ARF4: variants seen among roughly 807,000 people sequenced by gnomAD.
The protein encoded by ARF4 is ARF GTPase 4.
A neutral mutation model predicts 24.3 loss-of-function variants in ARF4; 5 were observed. The ratio of observed to expected loss-of-function variants is 0.21; its 90% CI spans 0.11 to 0.43. The LOEUF is 0.43. ARF4 is among the 20% of genes least tolerant of loss of function. ARF4 has a pLI of 1.00. For synonymous variants in ARF4, 62 were observed against 73.5 expected, an observed-to-expected ratio of 0.84 and a Z score of 0.80; for missense variants, 107 against 213.0, an observed-to-expected ratio of 0.50 and a Z score of 3.10.
chr3:57,577,679 T>G (rs1328305859), intron 3 of ARF4, among the ~76,000 whole-genome samples: 1 of 152,170 alleles, frequency 6.6e-6, no homozygotes, highest in Non-Finnish European at 1.5e-5. Context: ...CACTCTCACA[T>G]TTAAGTGCAG....
intron 3 of ARF4, among the ~76,000 whole-genome samples, chr3:57,578,847 T>C (rs1217148742): frequency 6.7e-6 from 1 of 149,846 alleles, no homozygotes; most frequent in African/African-American, 2.5e-5. Flanking sequence ...ACTGTTTTTC[T>C]AAGAACTTTC....
intron 5 of ARF4, among the ~76,000 whole-genome samples, chr3:57,574,980 G>A (rs1266144452): frequency 6.6e-6 from 1 of 152,038 alleles, no homozygotes; most frequent in African/African-American, 2.4e-5. Context: ...TTCCTGAGTA[G>A]CTGGGATTAC....
rs545047334 is a variant in ARF4 at position 57,571,955 on chromosome 3, T to C, written c.*257A>G. Reference sequence around the variant, plus strand: ...TTATTTAAAGGTTGCACAAGAGCTATGTCCAGGCATTTACGCTTATGGGAA... The same window carrying C: ...TTATTTAAAGGTTGCACAAGAGCTACGTCCAGGCATTTACGCTTATGGGAA... On this transcript the variant is annotated 3_prime_UTR_variant, in exon 6 of 6. Coordinates refer to ENST00000303436, the MANE Select transcript of ARF4 (RefSeq NM_001660.4). 5.7e-5 allele frequency: 21 copies of C among 370,086 alleles called. No individual in the cohort carries two copies. Among genetic ancestry groups the C allele is most frequent in the Non-Finnish European group, 1.0e-4 (21 of 203,862 alleles). The allele number at this position is 370,086 out of a possible 1,614,324, so 22.9% of individuals were successfully genotyped here.
intron 2 of ARF4, 44 bp downstream of exon 2, chr3:57,584,340 T>A (rs2070011936): frequency 6.9e-7 from 1 of 1,450,596 alleles, no homozygotes; most frequent in African/African-American, 1.4e-5. Context: ...TATATTTCAC[T>A]TTACAACATA....
chr3:57,590,089 C>CAATGAATAAATA (rs369725657), intron 1 of ARF4, among the ~76,000 whole-genome samples: 4 of 135,164 alleles, frequency 3.0e-5, no homozygotes, highest in Non-Finnish European at 1.6e-5. Flanking sequence ...GACTCTGTCT[C>CAATGAATAAATA]AATAAATAAA....
At chr3:57,593,965 A>C (rs1384032469) in intron 1 of ARF4, among the ~76,000 whole-genome samples, 1 of 152,192 alleles carries the variant, frequency 6.6e-6, no homozygotes, top group Non-Finnish European at 1.5e-5. Flanking sequence ...TATACAAAAT[A>C]CAGAAGCTGG....
At chr3:57,578,430 G>A (rs977285887) in intron 3 of ARF4, among the ~76,000 whole-genome samples, 1 of 151,438 alleles carries the variant, frequency 6.6e-6, no homozygotes, top group Non-Finnish European at 1.5e-5. Context: ...TTACCTGATC[G>A]AGTAAGACAT....
chr3:57,590,354 C>T (rs531733012), intron 1 of ARF4, among the ~76,000 whole-genome samples: 35 of 150,850 alleles, frequency 2.3e-4, no homozygotes, highest in African/African-American at 8.5e-4. Flanking sequence ...GGCGCAGTGG[C>T]GGGTGCCTGT....
At chr3:57,590,444 C>T (rs556240714) in intron 1 of ARF4, among the ~76,000 whole-genome samples, 158 of 152,166 alleles carry the variant, frequency 1.0e-3, no homozygotes, top group African/African-American at 3.8e-3. Flanking sequence ...CGAGATTGCG[C>T]CACTGCACTC....
chr3:57,595,660 A>C (rs1457177122), intron 1 of ARF4, among the ~76,000 whole-genome samples: 1 of 152,170 alleles, frequency 6.6e-6, no homozygotes, highest in Non-Finnish European at 1.5e-5. Context: ...TCTAAAATAA[A>C]ACCTCCGGCC....
At chr3:57,584,980 C>T (rs2070019578) in intron 1 of ARF4, among the ~76,000 whole-genome samples, 1 of 152,118 alleles carries the variant, frequency 6.6e-6, no homozygotes, top group South Asian at 2.1e-4. Flanking sequence ...TCTCCTGCCT[C>T]AGCCTCCCAA....
intron 1 of ARF4, among the ~76,000 whole-genome samples, chr3:57,587,349 C>T (rs1393538512): frequency 2.1e-5 from 3 of 143,122 alleles, no homozygotes; most frequent in Non-Finnish European, 4.6e-5. Context: ...AAAAGTAAAT[C>T]CAAAAATACT....
rs1186041159 is a variant in ARF4, at chr3:57,583,883, T to C, written c.258+15A>G. 6.5e-7 allele frequency: 1 copy of C among 1,528,068 alleles called. No individual in the cohort carries two copies. The highest frequency in any genetic ancestry group is 9.0e-7 in the Non-Finnish European group (1 of 1,111,010). The allele number at this position is 1,528,068 out of a possible 1,614,324, so 94.7% of individuals were successfully genotyped here. A position where few individuals can be genotyped will look rare whatever the true frequency, so the allele number is the denominator to read the frequency against. ...CCCACAAAGAAAAGTTATAAAAACA[T>C]ACAGTATCCCTTACCTGGGTATTCT... On this transcript the variant is annotated intron_variant, in intron 3 of 5. Coordinates refer to ENST00000303436, the MANE Select transcript of ARF4 (RefSeq NM_001660.4).
intron 3 of ARF4, among the ~76,000 whole-genome samples, chr3:57,582,050 A>C (rs1027173004): frequency 6.6e-6 from 1 of 152,174 alleles, no homozygotes; most frequent in Admixed American, 6.5e-5. Context: ...AGAATGCTCA[A>C]CTGGGTACAA....
intron 1 of ARF4, among the ~76,000 whole-genome samples, chr3:57,595,522 CAATT>C (rs2070170279): frequency 6.6e-6 from 1 of 152,150 alleles, no homozygotes. Context: ...GACTCATAAA[CAATT>C]GATTCACAAA....
chr3:57,585,008 C>T (rs929882229), intron 1 of ARF4, among the ~76,000 whole-genome samples: 2 of 151,988 alleles, frequency 1.3e-5, no homozygotes, highest in Admixed American at 6.6e-5. Context: ...GGACTACAGG[C>T]GCCCACCACC....
chr3:57,585,620 A>T (rs572658222), intron 1 of ARF4, among the ~76,000 whole-genome samples: 1 of 152,214 alleles, frequency 6.6e-6, no homozygotes, highest in South Asian at 2.1e-4. Flanking sequence ...TATAATAATA[A>T]AAGACCCTAT....
chr3:57,574,434 A>T (rs1241594350), intron 5 of ARF4, among the ~76,000 whole-genome samples: 2 of 149,652 alleles, frequency 1.3e-5, no homozygotes, highest in East Asian at 3.9e-4. Flanking sequence ...TTAAAGAAAC[A>T]GTCTTGCTCT....
intron 1 of ARF4, among the ~76,000 whole-genome samples, chr3:57,590,350 G>A (rs2070097391): frequency 6.6e-6 from 1 of 151,040 alleles, no homozygotes; most frequent in Non-Finnish European, 1.5e-5. Context: ...GCCGGGCGCA[G>A]TGGCGGGTGC....
Sources: allele counts gnomAD v4.1 joint callset (sites outside exome capture counted in the v4.1 genomes callset), GRCh38; gene constraint gnomAD v4.1.1; transcripts MANE v1.5; gene names NCBI Gene and HGNC (gene_info 2026-07-23, HGNC 2026-07-21).